COPG2: variants seen among roughly 807,000 people sequenced by gnomAD.
COPG2 encodes the protein coatomer subunit gamma-2.
COPG2 carries 37 observed loss-of-function variants against 46.3 expected under a neutral mutation model. The ratio of observed to expected loss-of-function variants is 0.80; its 90% CI spans 0.61 to 1.05. The LOEUF (loss-of-function observed/expected upper bound fraction) is 1.05. Ranked by LOEUF, COPG2 falls within the 50% of genes least tolerant of loss-of-function variation. The pLI, the probability that COPG2 is intolerant of heterozygous loss-of-function variation, is 0.00. For synonymous variants in COPG2, 159 were observed against 129.7 expected (o/e 1.23, Z -1.53); for missense variants, 427 against 387.8 (o/e 1.10, Z -0.85).
intron 20 of COPG2, among the ~76,000 whole-genome samples, chr7:130,538,261 A>T (rs1799903614): frequency 6.6e-6 from 1 of 152,092 alleles, no homozygotes; most frequent in Non-Finnish European, 1.5e-5. Context: ...TGTGTGGAAA[A>T]AGTGAGACAT....
chr7:130,606,305 GAAAGAAAGAGA>G (rs1161716663), intron 9 of COPG2, among the ~76,000 whole-genome samples: 5 of 150,622 alleles, frequency 3.3e-5, no homozygotes, highest in Non-Finnish European at 5.9e-5. Flanking sequence ...AGAAAGAAAA[GAAAGAAAGAGA>G]AAAGAAAGAG....
At chr7:130,631,851 A>T (rs1373021237) in intron 5 of COPG2, among the ~76,000 whole-genome samples, 1 of 152,158 alleles carries the variant, frequency 6.6e-6, no homozygotes, top group Admixed American at 6.5e-5. Context: ...CTTTGCATAG[A>T]TCCATATCTT....
intron 10 of COPG2, among the ~76,000 whole-genome samples, chr7:130,563,755 C>CAAAA (rs1239944614): frequency 1.0e-4 from 9 of 89,004 alleles, no homozygotes; most frequent in African/African-American, 1.3e-4. Context: ...GACTCCGTCT[C>CAAAA]AAAAAAAAAA....
chr7:130,571,305 G>A (rs1347827874), intron 9 of COPG2, among the ~76,000 whole-genome samples: 1 of 152,084 alleles, frequency 6.6e-6, no homozygotes, highest in East Asian at 1.9e-4. Flanking sequence ...ATCTGATAAA[G>A]GACTGATATC....
chr7:130,629,212 T>G (rs1795177834), intron 5 of COPG2, among the ~76,000 whole-genome samples: 1 of 152,128 alleles, frequency 6.6e-6, no homozygotes, highest in Non-Finnish European at 1.5e-5. Context: ...AATTTTCTAT[T>G]TAAATTTTCT....
intron 5 of COPG2, among the ~76,000 whole-genome samples, chr7:130,638,923 G>C (rs537561103): frequency 1.3e-5 from 2 of 152,228 alleles, no homozygotes; most frequent in African/African-American, 4.8e-5. Context: ...GTAGTATCTG[G>C]GCTGAAGTGC....
chr7:130,659,850 T>C (rs1795940217), intron 4 of COPG2, among the ~76,000 whole-genome samples: 1 of 152,136 alleles, frequency 6.6e-6, no homozygotes, highest in South Asian at 2.1e-4. Context: ...AGGCGGAGGC[T>C]GCAGTGAGCC....
chr7:130,642,351 A>T (rs1251505881), intron 5 of COPG2, among the ~76,000 whole-genome samples: 1 of 152,182 alleles, frequency 6.6e-6, no homozygotes, highest in Non-Finnish European at 1.5e-5. Flanking sequence ...TCCATCCAAA[A>T]TAAAAATACT....
At chr7:130,525,461 C>G (rs1192132434) in intron 20 of COPG2, among the ~76,000 whole-genome samples, 1 of 152,116 alleles carries the variant, frequency 6.6e-6, no homozygotes, top group African/African-American at 2.4e-5. Flanking sequence ...GGTAAGATGG[C>G]ACTGGGCATG....
intron 5 of COPG2, chr7:130,645,123 T>C: frequency 2.4e-6 from 1 of 424,002 alleles, no homozygotes; most frequent in East Asian, 5.9e-5. Context: ...TTCAGGTGAC[T>C]GGAAAAAGCA....
At chr7:130,579,279 T>C (rs1554446783) in intron 9 of COPG2, among the ~76,000 whole-genome samples, 3 of 147,058 alleles carry the variant, frequency 2.0e-5, no homozygotes. Flanking sequence ...AATAAAATAC[T>C]TTACAGACAA....
chr7:130,511,618 A>G (rs782138996), intron 20 of COPG2: 8 of 518,282 alleles, frequency 1.5e-5, no homozygotes, highest in Non-Finnish European at 2.7e-5. Flanking sequence ...ATCAACAGGA[A>G]GGTAAGACAG....
intron 9 of COPG2, among the ~76,000 whole-genome samples, chr7:130,606,918 G>A (rs1794743646): frequency 6.6e-6 from 1 of 152,006 alleles, no homozygotes; most frequent in Admixed American, 6.6e-5. Context: ...CATTTCCCCT[G>A]TTCATTCATG....
intron 5 of COPG2, among the ~76,000 whole-genome samples, chr7:130,639,519 T>C (rs1422471971): frequency 1.3e-4 from 20 of 152,194 alleles, no homozygotes; most frequent in Admixed American, 1.3e-3. Context: ...CCTTTCCTGG[T>C]TGACTGGTTT....
chr7:130,607,465 A>G, intron 9 of COPG2: 3 of 446,140 alleles, frequency 6.7e-6, no homozygotes, highest in African/African-American at 2.0e-5. Context: ...GATATACTGT[A>G]AAGACTCTAG....
At chr7:130,509,301 A>C (rs1799557734) in intron 20 of COPG2, 1 of 513,740 alleles carries the variant, frequency 1.9e-6, no homozygotes. Context: ...AGTAATAAGA[A>C]ATGGAGGTGG....
At chr7:130,513,341 ATG>A (rs1210290028) in intron 20 of COPG2, among the ~76,000 whole-genome samples, 740 of 51,508 alleles carry the variant, frequency 0.014, 22 homozygotes, top group Non-Finnish European at 0.024. Flanking sequence ...ATATATATAT[ATG>A]TGTGTGTGTG....
intron 9 of COPG2, among the ~76,000 whole-genome samples, chr7:130,609,661 A>G (rs372917879): frequency 1.1e-4 from 16 of 152,050 alleles, no homozygotes; most frequent in African/African-American, 3.9e-4. Flanking sequence ...TATATTCCCT[A>G]GGCTTCAGAT....
At chr7:130,545,102 T>C (rs1337747690) in intron 20 of COPG2, among the ~76,000 whole-genome samples, 2 of 152,140 alleles carry the variant, frequency 1.3e-5, no homozygotes, top group Non-Finnish European at 2.9e-5. Context: ...AGGAAGAAAG[T>C]GGATAATTCT....
Sources: gnomAD v4.1 joint callset for allele counts (sites outside exome capture counted in the v4.1 genomes callset) on GRCh38, gnomAD v4.1.1 for gene constraint, MANE v1.5 for transcripts, NCBI Gene and HGNC (gene_info 2026-07-23, HGNC 2026-07-21) for gene names.